Variants in SPPL2B observed in about 807,000 individuals in gnomAD.
SPPL2B encodes signal peptide peptidase like 2B.
A neutral mutation model predicts 59.7 loss-of-function variants in SPPL2B; 39 were observed. The observed-to-expected ratio is 0.65, with a 90% CI of 0.51 to 0.85. The LOEUF (loss-of-function observed/expected upper bound fraction) is 0.85, where lower values mean the gene tolerates loss of function less well. Ranked by LOEUF, SPPL2B falls within the 40% of genes least tolerant of loss-of-function variation. The pLI, the probability that SPPL2B is intolerant of heterozygous loss-of-function variation, is 0.00. For synonymous variants in SPPL2B, 419 were observed against 370.8 expected (o/e 1.13, Z -1.49); for missense variants, 865 against 849.0 (o/e 1.02, Z -0.23).
intron 12 of SPPL2B, among the ~76,000 whole-genome samples, chr19:2,344,953 C>G (rs1366045522): frequency 1.3e-5 from 2 of 152,118 alleles, no homozygotes; most frequent in Admixed American, 6.5e-5. Flanking sequence ...ATCCCGGGTC[C>G]CAGTGAGCTC....
At chr19:2,344,785 G>C in intron 12 of SPPL2B, 133 bp downstream of exon 12, 1 of 677,214 alleles carries the variant, frequency 1.5e-6, no homozygotes, top group Non-Finnish European at 2.6e-6. Flanking sequence ...AGTCGGGCAG[G>C]TTGGGGCCGT....
At chr19:2,336,442 T>C (rs1411957280) in intron 2 of SPPL2B, among the ~76,000 whole-genome samples, 2 of 152,096 alleles carry the variant, frequency 1.3e-5, no homozygotes, top group African/African-American at 4.8e-5. Context: ...TGGATGTGTA[T>C]GTGCCTGTGT....
At chr19:2,329,041 C>T (rs1968144005) in intron 1 of SPPL2B, among the ~76,000 whole-genome samples, 1 of 152,260 alleles carries the variant, frequency 6.6e-6, no homozygotes, top group Non-Finnish European at 1.5e-5. Context: ...TTTGTGCCCC[C>T]TCCATCCTCC....
At chr19:2,331,473 C>A (rs1200230329) in intron 1 of SPPL2B, among the ~76,000 whole-genome samples, 1 of 152,128 alleles carries the variant, frequency 6.6e-6, no homozygotes, top group Non-Finnish European at 1.5e-5. Flanking sequence ...GAGCTGTGGC[C>A]TTTGGAAGAA....
At chr19:2,338,697 G>A in intron 3 of SPPL2B, 55 bp from the exon 4 acceptor site, 2 of 1,282,820 alleles carry the variant, frequency 1.6e-6, no homozygotes, top group South Asian at 1.2e-5. Flanking sequence ...CACAGAGCTG[G>A]GGGCCCACCC....
At chr19:2,338,583 C>T (rs1968794996) in intron 3 of SPPL2B, 169 bp from the exon 4 acceptor site, 2 of 570,184 alleles carry the variant, frequency 3.5e-6, no homozygotes, top group South Asian at 4.3e-5. Flanking sequence ...GTTCTTGGGT[C>T]CTCCTGGGGG....
chr19:2,354,817 T>A lies in SPPL2B; in HGVS notation c.*1608T>A, dbSNP rs1201135174. ...CTTTTGATACATATGGCCCGGCCTC[T>A]GCCTCCGCAGTGCACGGCTTGGGGC... On this transcript the variant is annotated 3_prime_UTR_variant, in exon 15 of 15. Transcript: ENST00000613503. 6.6e-6 allele frequency: 1 copy of A among 152,322 alleles called. No individual in the cohort carries two copies. Among genetic ancestry groups the A allele is most frequent in the African/African-American group, 2.4e-5 (1 of 41,470 alleles). The allele number at this position is 152,322 out of a possible 1,614,324, so 9.4% of individuals were successfully genotyped here.
rs565962509 is a variant in SPPL2B, at chr19:2,350,048, TTC to T, written c.1355-1377_1355-1376del. On this transcript the variant is annotated intron_variant, in intron 13 of 14. Coordinates refer to ENST00000613503, the MANE Select transcript of SPPL2B (RefSeq NM_152988.3). ...ACTCGCTCTCATTCGCTTGATTCCG[TTC>T]TCTCTCTCCACACACTCACGCGCTC... is the stretch of plus-strand genomic sequence containing the variant. Among the ~76,000 whole-genome samples the T allele has an allele frequency of 4.1e-3, 589 of 142,216 alleles. 5 individuals carry two copies. Among genetic ancestry groups the T allele is most frequent in the Middle Eastern group, 0.013 (3 of 228 alleles). 93.3% of individuals were successfully genotyped at this position (142,216 alleles called of 152,430 possible).
chr19:2,339,218 G>A lies in SPPL2B; in HGVS notation c.599+10G>A, dbSNP rs779049981. 7.5e-6 allele frequency: 12 copies of A among 1,600,846 alleles called. No homozygotes were observed. In the African/African-American group the frequency reaches 9.4e-5, roughly 12 times the overall value. On this transcript the variant is annotated intron_variant, in intron 5 of 14. Transcript: ENST00000613503. Reference sequence around the variant, plus strand: ...GTCGGGACGTGAAGAAGTGAGTTTCGCATCGTGCGTGTGCTGTGACGGGGT... The same window carrying A: ...GTCGGGACGTGAAGAAGTGAGTTTCACATCGTGCGTGTGCTGTGACGGGGT...
chr19:2,344,066 C>A (rs1410919607), intron 10 of SPPL2B, 27 bp downstream of exon 10: 6 of 1,480,010 alleles, frequency 4.1e-6, no homozygotes, highest in Middle Eastern at 2.4e-4. Flanking sequence ...CCCTGCTCCA[C>A]CCCATCACCC....
chr19:2,343,169 A>T (rs1969156774), intron 8 of SPPL2B, 42 bp from the exon 9 acceptor site: 74 of 1,521,906 alleles, frequency 4.9e-5, no homozygotes, highest in Non-Finnish European at 6.2e-5. Flanking sequence ...CTGGGTGGTC[A>T]GCCAGCCTCT....
At chr19:2,344,455 G>A (rs1269817562) in intron 11 of SPPL2B, 31 bp downstream of exon 11, 5 of 1,571,360 alleles carry the variant, frequency 3.2e-6, no homozygotes, top group Non-Finnish European at 4.3e-6. Context: ...GTCTCAGGTT[G>A]CCATGGGTCA....
At chr19:2,350,978 G>A (rs978513625) in intron 13 of SPPL2B, among the ~76,000 whole-genome samples, 5 of 152,242 alleles carry the variant, frequency 3.3e-5, no homozygotes, top group African/African-American at 7.2e-5. Flanking sequence ...ATTTCACTGG[G>A]TGTCTCCTGA....
At chr19:2,339,714 C>G in intron 5 of SPPL2B, 110 bp from the exon 6 acceptor site, 1 of 1,314,660 alleles carries the variant, frequency 7.6e-7, no homozygotes, top group Non-Finnish European at 1.1e-6. Flanking sequence ...CCCCCGGGTC[C>G]CCTCCTGCTC....
intron 2 of SPPL2B, among the ~76,000 whole-genome samples, chr19:2,336,724 G>T (rs1968649555): frequency 6.6e-6 from 1 of 151,554 alleles, no homozygotes; most frequent in Admixed American, 6.6e-5. Flanking sequence ...GTGCATATGT[G>T]TGCCATGTGG....
chr19:2,346,642 A>G (rs1314916261), intron 13 of SPPL2B, among the ~76,000 whole-genome samples: 2 of 152,202 alleles, frequency 1.3e-5, no homozygotes, highest in East Asian at 1.9e-4. Context: ...ACTCCAGCCT[A>G]GGCAACAGAG....
chr19:2,352,942 G>C lies in SPPL2B; in HGVS notation c.1516-4G>C, dbSNP rs768777638. 3.1e-6 allele frequency: 5 copies of C among 1,611,994 alleles called. No homozygotes were observed. The highest frequency in any genetic ancestry group is 3.4e-6 in the Non-Finnish European group (4 of 1,179,648). On this transcript the variant is annotated splice_polypyrimidine_tract_variant and splice_region_variant and intron_variant, in intron 14 of 14. Transcript: ENST00000613503. ...GCCTCACCTCTGCCTCCCTTCTCCT[G>C]TAGAAAGTCCTACCTCCATCTCCGT...
chr19:2,346,890 A>G (rs1173257828), intron 13 of SPPL2B, among the ~76,000 whole-genome samples: 1 of 152,214 alleles, frequency 6.6e-6, no homozygotes, highest in Non-Finnish European at 1.5e-5. Context: ...TCCCCGTGGC[A>G]TGGCGTCAGA....
At chr19:2,341,688 G>C (rs948043694) in intron 8 of SPPL2B, 1 of 424,226 alleles carries the variant, frequency 2.4e-6, no homozygotes, top group Non-Finnish European at 4.9e-6. Context: ...GCCACGGCAC[G>C]TTTAACTGGC....
Sources: allele counts gnomAD v4.1 joint callset (sites outside exome capture counted in the v4.1 genomes callset), GRCh38; gene constraint gnomAD v4.1.1; transcripts MANE v1.5; gene names NCBI Gene and HGNC (gene_info 2026-07-23, HGNC 2026-07-21).